The following TMEM178B variants were observed in gnomAD, a reference collection of about 807,000 sequenced individuals.
TMEM178B encodes the protein transmembrane protein 178B.
TMEM178B carries 5 observed loss-of-function variants against 31.0 expected under a neutral mutation model. That is an observed-to-expected ratio of 0.16 (90% CI 0.08 to 0.34). The LOEUF is 0.34. Ranked by LOEUF, TMEM178B falls within the 10% of genes least tolerant of loss-of-function variation. TMEM178B has a pLI of 1.00. For missense variants in TMEM178B, 275 were observed against 400.3 expected, an observed-to-expected ratio of 0.69 and a Z score of 2.67; for synonymous variants, 164 against 164.0, an observed-to-expected ratio of 1.00 and a Z score of 0.00.
chr7:141,189,752 G>A (rs962384667), intron 1 of TMEM178B, among the ~76,000 whole-genome samples: 1 of 152,196 alleles, frequency 6.6e-6, no homozygotes, highest in Admixed American at 6.5e-5. Flanking sequence ...TCTAGGAAAG[G>A]TCAGCCCTGC....
At chr7:141,317,148 C>T (rs1214360334) in intron 2 of TMEM178B, among the ~76,000 whole-genome samples, 1 of 152,056 alleles carries the variant, frequency 6.6e-6, no homozygotes, top group Non-Finnish European at 1.5e-5. Context: ...GTATTGCATA[C>T]AGAAGCAAGA....
At chr7:141,298,719 G>A (rs1798675792) in intron 2 of TMEM178B, among the ~76,000 whole-genome samples, 1 of 152,226 alleles carries the variant, frequency 6.6e-6, no homozygotes. Flanking sequence ...ACCTCTTAGA[G>A]GGAAGGAATC....
In TMEM178B at chr7:141,139,112, A is replaced by G. The variant is rs1362672012; in HGVS notation, c.382+64420A>G. Among the ~76,000 whole-genome samples the G allele has an allele frequency of 2.6e-5, 4 of 152,342 alleles. No individual in the cohort carries two copies. In the East Asian group the frequency reaches 5.8e-4, roughly 22 times the overall value. On this transcript the variant is annotated intron_variant, in intron 1 of 3. Transcript: ENST00000565468. ...ATAAAAAATTATGGACGCCAAAGTT[A>G]AACTTTATCTTTTAGACATAATCTT...
At chr7:141,364,435 C>T (rs999350644) in intron 2 of TMEM178B, among the ~76,000 whole-genome samples, 12 of 151,938 alleles carry the variant, frequency 7.9e-5, no homozygotes, top group African/African-American at 1.4e-4. Flanking sequence ...CCAAGGTGGG[C>T]GGATCCTGAG....
intron 2 of TMEM178B, among the ~76,000 whole-genome samples, chr7:141,240,608 A>G (rs1488410160): frequency 6.6e-6 from 1 of 152,264 alleles, no homozygotes; most frequent in African/African-American, 2.4e-5. Flanking sequence ...GGGTAAAACT[A>G]TTTAATTGAT....
intron 2 of TMEM178B, among the ~76,000 whole-genome samples, chr7:141,312,445 A>G (rs1174961646): frequency 6.6e-6 from 1 of 152,352 alleles, no homozygotes; most frequent in East Asian, 1.9e-4. Flanking sequence ...ACAAAGAGAA[A>G]GCACTAGAGT....
At chr7:141,432,453 C>T (rs1224273857) in intron 2 of TMEM178B, among the ~76,000 whole-genome samples, 1 of 152,186 alleles carries the variant, frequency 6.6e-6, no homozygotes, top group Non-Finnish European at 1.5e-5. Flanking sequence ...CCACGCCCAG[C>T]CCTGCATCAC....
chr7:141,252,168 A>G (rs1341140529), intron 2 of TMEM178B, among the ~76,000 whole-genome samples: 1 of 152,134 alleles, frequency 6.6e-6, no homozygotes, highest in Admixed American at 6.5e-5. Context: ...GTGTGGACCT[A>G]TTGTCCAGAG....
At chr7:141,304,427 C>T (rs1290418620) in intron 2 of TMEM178B, among the ~76,000 whole-genome samples, 1 of 152,130 alleles carries the variant, frequency 6.6e-6, no homozygotes, top group African/African-American at 2.4e-5. Context: ...ACCCCACCCT[C>T]TTCCCACCTT....
At chr7:141,080,755 G>A (rs542883250) in intron 1 of TMEM178B, among the ~76,000 whole-genome samples, 6 of 152,336 alleles carry the variant, frequency 3.9e-5, no homozygotes, top group African/African-American at 1.2e-4. Context: ...AAAATGAAAT[G>A]CAGTCATGTG....
chr7:141,304,619 G>A (rs973056416), intron 2 of TMEM178B, among the ~76,000 whole-genome samples: 3 of 151,056 alleles, frequency 2.0e-5, no homozygotes, highest in African/African-American at 7.4e-5. Context: ...GCCTCTCCAG[G>A]CTTCAGGCCT....
intron 2 of TMEM178B, among the ~76,000 whole-genome samples, chr7:141,413,640 A>C (rs749695740): frequency 4.6e-5 from 7 of 152,220 alleles, no homozygotes; most frequent in Non-Finnish European, 8.8e-5. Context: ...GAGGCTGCTG[A>C]TGATGAGAAA....
chr7:141,305,155 A>G (rs939317135), intron 2 of TMEM178B, among the ~76,000 whole-genome samples: 5 of 152,196 alleles, frequency 3.3e-5, no homozygotes, highest in African/African-American at 9.7e-5. Flanking sequence ...ATGAACCTCA[A>G]TCACCTTTCC....
chr7:141,184,099 G>A (rs1796571979), intron 1 of TMEM178B, among the ~76,000 whole-genome samples: 1 of 152,366 alleles, frequency 6.6e-6, no homozygotes, highest in South Asian at 2.1e-4. Context: ...CTGCAGAACA[G>A]CACAGGCTAT....
At chr7:141,484,744 T>C (rs971782817), downstream of TMEM178B, among the ~76,000 whole-genome samples, 1 of 152,104 alleles carries the variant, frequency 6.6e-6, no homozygotes, top group Non-Finnish European at 1.5e-5. The surrounding 1 kb of genome is among the most constrained non-coding windows in gnomAD (Gnocchi z 4.8). Context: ...GTATTTTTAG[T>C]AGAGACGGGA....
chr7:141,196,105 T>A (rs1441697488), intron 1 of TMEM178B, among the ~76,000 whole-genome samples: 1 of 152,116 alleles, frequency 6.6e-6, no homozygotes, highest in Non-Finnish European at 1.5e-5. Flanking sequence ...CTATTTGCTT[T>A]TAATATTATA....
At chr7:141,378,655 CT>C (rs1182513144) in intron 2 of TMEM178B, among the ~76,000 whole-genome samples, 2 of 152,200 alleles carry the variant, frequency 1.3e-5, no homozygotes, top group African/African-American at 4.8e-5. Context: ...ACATACTGAC[CT>C]TTGCCAACCT....
At chr7:141,325,196 A>G (rs1260583077) in intron 2 of TMEM178B, among the ~76,000 whole-genome samples, 4 of 152,150 alleles carry the variant, frequency 2.6e-5, no homozygotes, top group Admixed American at 2.6e-4. Context: ...CATTGATTTG[A>G]CTGTGCTGTA....
chr7:141,322,403 T>A (rs1450114798), intron 2 of TMEM178B, among the ~76,000 whole-genome samples: 4 of 150,648 alleles, frequency 2.7e-5, no homozygotes, highest in African/African-American at 7.3e-5. Context: ...TGGTGGCATA[T>A]GCCTGTAGTC....
Sources: gnomAD v4.1 joint callset for allele counts (sites outside exome capture counted in the v4.1 genomes callset) on GRCh38, gnomAD v4.1.1 for gene constraint, Gnocchi (gnomAD v3.1) non-coding constraint, MANE v1.5 for transcripts, NCBI Gene and HGNC (gene_info 2026-07-23, HGNC 2026-07-21) for gene names.